FRMPD4: variants seen among roughly 807,000 people sequenced by gnomAD.
FRMPD4 encodes the protein FERM and PDZ domain-containing protein 4.
A neutral mutation model predicts 94.1 loss-of-function variants in FRMPD4; 22 were observed. That is an observed-to-expected ratio of 0.23 (90% CI 0.17 to 0.33). The LOEUF is 0.33. Ranked by LOEUF, FRMPD4 falls within the 10% of genes least tolerant of loss-of-function variation. The pLI is 1.00. For synonymous variants in FRMPD4, 631 were observed against 548.6 expected, an observed-to-expected ratio of 1.15 and a Z score of -2.10; for missense variants, 1,111 against 1,339.9, an observed-to-expected ratio of 0.83 and a Z score of 2.67.
Position 12,215,602 on chromosome X carries a change from T to G in FRMPD4, c.41+76590T>G, listed in dbSNP as rs1325143357. 3.6e-5 allele frequency among the ~76,000 whole-genome samples: 4 copies of G among 112,080 alleles called. No individual in the cohort carries two copies. The South Asian group carries it at 1.1e-3, about 32-fold the overall frequency. The stretch of plus-strand genomic sequence containing the variant: ...GTGACCTAAGAAGTAGATAATATTA[T>G]TATCCTTCATTTTAAGATGGATGAG... On this transcript the variant is annotated intron_variant, in intron 1 of 16. Transcript: ENST00000675598.
chrX:12,021,359 A>C (rs922040803), intron 3 of FRMPD4, among the ~76,000 whole-genome samples: 22 of 111,861 alleles, frequency 2.0e-4, no homozygotes, highest in African/African-American at 7.2e-4. Context: ...GGGACTGAAC[A>C]GTTCTCTTAC....
exon 1 of FRMPD4, among the ~76,000 whole-genome samples, chrX:11,822,712 C>T (rs745610453): frequency 1.4e-4 from 16 of 111,929 alleles, no homozygotes; most frequent in African/African-American, 3.6e-4. Flanking sequence ...AGGCCACTGA[C>T]GAGGTGAGTG....
intron 3 of FRMPD4, among the ~76,000 whole-genome samples, chrX:12,053,889 T>C (rs1168599144): frequency 8.9e-6 from 1 of 112,143 alleles, no homozygotes; most frequent in African/African-American, 3.2e-5. Context: ...TTGTGCTGGG[T>C]TTCATGAAGA....
chrX:12,391,850 C>T, intron 1 of FRMPD4, among the ~76,000 whole-genome samples: 1 of 110,480 alleles, frequency 9.1e-6, no homozygotes, highest in East Asian at 2.9e-4. Context: ...GTCCTGACCA[C>T]TGCCTCTTAT....
chrX:12,668,828 C>T lies in FRMPD4; in HGVS notation c.423-6035C>T, dbSNP rs182597562. Reference sequence around the variant, plus strand: ...CTATGTTGGCCAGGCTGGTCTCAAACTCCTGACCTCAGGTGATCCACCCGC... The same window carrying T: ...CTATGTTGGCCAGGCTGGTCTCAAATTCCTGACCTCAGGTGATCCACCCGC... On this transcript the variant is annotated intron_variant, in intron 4 of 16. Transcript: ENST00000675598. 5.3e-3 allele frequency among the ~76,000 whole-genome samples: 590 copies of T among 110,787 alleles called. 3 individuals carry two copies. The highest frequency in any genetic ancestry group is 0.018 in the African/African-American group (546 of 30,453).
intron 3 of FRMPD4, among the ~76,000 whole-genome samples, chrX:12,060,705 T>C (rs2054880641): frequency 9.0e-6 from 1 of 111,393 alleles, no homozygotes. Context: ...GGTTGTCCTG[T>C]CTCCCCGTTC....
At chrX:12,523,002 CTCTT>C in intron 2 of FRMPD4, among the ~76,000 whole-genome samples, 1 of 112,492 alleles carries the variant, frequency 8.9e-6, no homozygotes, top group East Asian at 2.8e-4. Flanking sequence ...GAACCTCTGA[CTCTT>C]TCTCTGAGTG....
chrX:11,942,780 G>A (rs5979493), intron 3 of FRMPD4, among the ~76,000 whole-genome samples: 38,596 of 110,478 alleles, frequency 0.35, 5,410 homozygotes, highest in East Asian at 0.82. Context: ...AATGTTGTGC[G>A]ACTGTCAGCA....
At chrX:11,945,822 T>G (rs1439229910) in intron 3 of FRMPD4, among the ~76,000 whole-genome samples, 1 of 111,510 alleles carries the variant, frequency 9.0e-6, no homozygotes, top group Admixed American at 9.5e-5. Context: ...CTAGGTCCAT[T>G]TTCAACACTG....
chrX:12,018,562 C>T (rs910433399), intron 3 of FRMPD4, among the ~76,000 whole-genome samples: 7 of 110,302 alleles, frequency 6.3e-5, no homozygotes, highest in African/African-American at 2.3e-4. Context: ...ATTATAGGTG[C>T]CCACTACCAC....
At chrX:12,241,436 C>T (rs745677938) in intron 1 of FRMPD4, among the ~76,000 whole-genome samples, 1 of 112,161 alleles carries the variant, frequency 8.9e-6, no homozygotes, top group South Asian at 3.7e-4. Context: ...TGCCAAACCC[C>T]AATATTCGAG....
intron 2 of FRMPD4, among the ~76,000 whole-genome samples, chrX:12,608,542 G>T (rs1388910860): frequency 6.2e-5 from 7 of 112,432 alleles, no homozygotes; most frequent in African/African-American, 2.3e-4. Context: ...TTTGGAAATG[G>T]AGATGTGTTT....
chrX:12,038,287 C>A (rs1443250925), intron 3 of FRMPD4, among the ~76,000 whole-genome samples: 1 of 112,057 alleles, frequency 8.9e-6, no homozygotes, highest in African/African-American at 3.2e-5. Context: ...CTTATCCAAA[C>A]TAGCACTTGA....
intron 4 of FRMPD4, among the ~76,000 whole-genome samples, chrX:12,671,861 G>C (rs188912223): frequency 9.0e-6 from 1 of 111,721 alleles, no homozygotes; most frequent in East Asian, 2.8e-4. Flanking sequence ...CCCAGGGCCA[G>C]TTCCTCCAAG....
chrX:11,849,907 CAAAAT>C lies in FRMPD4; in HGVS notation c.-160-15174_-160-15170del, dbSNP rs750818520. ...AATATGACACCAAAAGCATAGGCAA[CAAAAT>C]AAAAATAGATAAACCGGATTATGTC... On this transcript the variant is annotated intron_variant, in intron 1 of 18. Coordinates refer to the FRMPD4 transcript ENST00000640291. Among the ~76,000 whole-genome samples the C allele has an allele frequency of 8.7e-3, 964 of 111,139 alleles. 8 individuals are homozygous for C. The highest frequency in any genetic ancestry group is 0.047 in the Middle Eastern group (10 of 214).
intron 3 of FRMPD4, among the ~76,000 whole-genome samples, chrX:12,094,797 C>A (rs1425125410): frequency 1.8e-5 from 2 of 112,514 alleles, no homozygotes; most frequent in Non-Finnish European, 3.7e-5. Context: ...AAAAGTGATT[C>A]TGAGTTCAAA....
intron 10 of FRMPD4, among the ~76,000 whole-genome samples, chrX:12,702,567 G>A (rs1429677954): frequency 8.9e-6 from 1 of 112,158 alleles, no homozygotes; most frequent in East Asian, 2.8e-4. Flanking sequence ...TCCAAAAGAT[G>A]TATAAACTAA....
chrX:12,329,491 T>G (rs953038584), intron 1 of FRMPD4, among the ~76,000 whole-genome samples: 2 of 110,898 alleles, frequency 1.8e-5, no homozygotes, highest in Admixed American at 9.7e-5. Context: ...CCTTTTCTTC[T>G]GAGGCCCTCA....
rs903465370 is a variant in FRMPD4, at chrX:11,918,846, G to T, written c.95+40828G>T. On this transcript the variant is annotated intron_variant, in intron 3 of 18. Transcript: ENST00000640291. ...TTGAGAAAAAATGAACGCAGAGATA[G>T]TCATGAGTGGAACTAGGCTGAAACT... 2.7e-5 allele frequency among the ~76,000 whole-genome samples: 3 copies of T among 112,118 alleles called. No homozygotes were observed. The East Asian group carries it at 8.4e-4, about 31-fold the overall frequency.
Sources: allele counts gnomAD v4.1 joint callset (sites outside exome capture counted in the v4.1 genomes callset), GRCh38; gene constraint gnomAD v4.1.1; transcripts MANE v1.5; gene names NCBI Gene and HGNC (gene_info 2026-07-23, HGNC 2026-07-21).